Variants in AFAP1 observed in about 807,000 individuals in gnomAD.
The protein encoded by AFAP1 is actin filament associated protein 1.
AFAP1 carries 75 observed loss-of-function variants against 93.9 expected under a neutral mutation model. That is an observed-to-expected ratio of 0.80 (90% CI 0.66 to 0.97). AFAP1 has a LOEUF of 0.97. Among genes scored for constraint, AFAP1 ranks in the 50% least tolerant of loss-of-function variants. The pLI, the probability that AFAP1 is intolerant of heterozygous loss-of-function variation, is 0.00. For missense variants in AFAP1, 1,201 were observed against 1,050.8 expected, an observed-to-expected ratio of 1.14 and a Z score of -1.98; for synonymous variants, 517 against 430.7, an observed-to-expected ratio of 1.20 and a Z score of -2.48.
At chr4:7,908,173 C>T (rs530729911) in intron 1 of AFAP1, among the ~76,000 whole-genome samples, 62 of 152,104 alleles carry the variant, frequency 4.1e-4, no homozygotes, top group Non-Finnish European at 7.9e-4. Context: ...GATCACACCA[C>T]TGTACTCCAG....
rs141412948 is a variant in AFAP1, at chr4:7,831,368, CCTTTT to C, written c.726+7151_726+7155del. On this transcript the variant is annotated intron_variant, in intron 6 of 17. Transcript: ENST00000420658. Reference sequence around the variant, plus strand: ...TACTTTACCCCGTATTATTTACTTTCCTTTTAAGAAAAATCAGCAAATGCTAAAAA... The same window carrying C: ...TACTTTACCCCGTATTATTTACTTTCAAGAAAAATCAGCAAATGCTAAAAA... 2.5e-3 allele frequency among the ~76,000 whole-genome samples: 376 copies of C among 150,450 alleles called. 2 individuals carry two copies. The highest frequency in any genetic ancestry group is 8.8e-3 in the African/African-American group (358 of 40,682).
intron 1 of AFAP1, among the ~76,000 whole-genome samples, chr4:7,927,780 G>A (rs1337027292): frequency 4.6e-5 from 7 of 152,082 alleles, no homozygotes; most frequent in African/African-American, 1.7e-4. Context: ...CTAGAGAAGG[G>A]GGGATAAAAA....
chr4:7,886,713 T>G (rs1718160807), intron 1 of AFAP1, among the ~76,000 whole-genome samples: 1 of 152,230 alleles, frequency 6.6e-6, no homozygotes, highest in South Asian at 2.1e-4. Context: ...GACCTAGATC[T>G]GGGTATGTTT....
intron 14 of AFAP1, chr4:7,777,642 GCA>G (rs1716283713): frequency 1.3e-5 from 2 of 152,206 alleles, no homozygotes; most frequent in South Asian, 2.1e-4. Context: ...TCTACCAGTT[GCA>G]CAGATTCAGA....
intron 6 of AFAP1, among the ~76,000 whole-genome samples, chr4:7,832,727 A>G (rs1711779648): frequency 6.6e-6 from 1 of 152,126 alleles, no homozygotes; most frequent in African/African-American, 2.4e-5. Flanking sequence ...AGAACAAACA[A>G]AGGAAGGCAT....
intron 1 of AFAP1, among the ~76,000 whole-genome samples, chr4:7,882,464 A>C (rs2149197995): frequency 6.6e-6 from 1 of 152,274 alleles, no homozygotes; most frequent in South Asian, 2.1e-4. Flanking sequence ...AAAAAAGAAA[A>C]CCAAAGACCA....
intron 3 of AFAP1, among the ~76,000 whole-genome samples, chr4:7,867,556 T>C (rs1261325306): frequency 3.3e-5 from 5 of 152,196 alleles, no homozygotes; most frequent in Non-Finnish European, 7.3e-5. Context: ...CTAGTATTGT[T>C]GAGAAAAGTG....
chr4:7,781,280 C>A (rs1053647279), intron 13 of AFAP1, 96 bp downstream of exon 13: 10 of 1,421,038 alleles, frequency 7.0e-6, no homozygotes. Flanking sequence ...TTATGCTTTG[C>A]CTTTGATGAG....
intron 1 of AFAP1, among the ~76,000 whole-genome samples, chr4:7,926,576 C>A (rs1196945716): frequency 1.3e-5 from 2 of 152,098 alleles, no homozygotes; most frequent in Non-Finnish European, 2.9e-5. Flanking sequence ...AATGGGGAGG[C>A]CAGGTTCCAG....
intron 12 of AFAP1, among the ~76,000 whole-genome samples, chr4:7,783,536 C>G (rs542913723): frequency 1.4e-4 from 22 of 152,264 alleles, no homozygotes; most frequent in African/African-American, 5.1e-4. Context: ...TCAGGAAGGG[C>G]CTGGGCAGAG....
At chr4:7,886,290 A>G (rs1718136501) in intron 1 of AFAP1, among the ~76,000 whole-genome samples, 2 of 152,238 alleles carry the variant, frequency 1.3e-5, no homozygotes, top group Non-Finnish European at 2.9e-5. Flanking sequence ...TGCTGTAAAT[A>G]AAAACCTCTG....
chr4:7,917,390 A>G (rs1382342310), intron 1 of AFAP1, among the ~76,000 whole-genome samples: 1 of 152,188 alleles, frequency 6.6e-6, no homozygotes, highest in Non-Finnish European at 1.5e-5. Context: ...AAAGATCTGG[A>G]AGGAAATACA....
At chr4:7,794,876 T>C (rs1279662742) in intron 10 of AFAP1, among the ~76,000 whole-genome samples, 1 of 152,196 alleles carries the variant, frequency 6.6e-6, no homozygotes, top group African/African-American at 2.4e-5. Context: ...TTTTTAGTGG[T>C]ATTTGAAATC....
intron 6 of AFAP1, among the ~76,000 whole-genome samples, chr4:7,830,584 T>C (rs536406290): frequency 2.0e-5 from 3 of 150,588 alleles, no homozygotes; most frequent in Non-Finnish European, 3.0e-5. Flanking sequence ...TATATACACA[T>C]ATAAGTGAAA....
chr4:7,820,259 C>T (rs751780971), intron 6 of AFAP1, among the ~76,000 whole-genome samples: 8 of 152,142 alleles, frequency 5.3e-5, no homozygotes, highest in Non-Finnish European at 8.8e-5. Context: ...CTGGGTGGTG[C>T]TATTTACTCA....
intron 1 of AFAP1, among the ~76,000 whole-genome samples, chr4:7,927,493 G>A (rs1456469824): frequency 2.0e-5 from 3 of 152,246 alleles, no homozygotes; most frequent in South Asian, 2.1e-4. Context: ...GGAGTTCAAC[G>A]GACACGTATT....
chr4:7,919,206 C>T (rs912032079), intron 1 of AFAP1, among the ~76,000 whole-genome samples: 1 of 152,210 alleles, frequency 6.6e-6, no homozygotes, highest in African/African-American at 2.4e-5. Flanking sequence ...CACAGATTAT[C>T]CCGGCCCAAC....
At chr4:7,798,304 C>T (rs1202243305) in intron 10 of AFAP1, among the ~76,000 whole-genome samples, 130 of 79,270 alleles carry the variant, frequency 1.6e-3, no homozygotes, top group Middle Eastern at 0.01. Flanking sequence ...GCATTGCAAC[C>T]CTATTGGCTG....
chr4:7,901,723 G>T (rs1023266290), intron 1 of AFAP1, among the ~76,000 whole-genome samples: 9 of 152,232 alleles, frequency 5.9e-5, no homozygotes, highest in Middle Eastern at 3.2e-3. Flanking sequence ...TGGACAGGGG[G>T]CTGAACTGGA....
Sources: gnomAD v4.1 joint callset for allele counts (sites outside exome capture counted in the v4.1 genomes callset) on GRCh38, gnomAD v4.1.1 for gene constraint, MANE v1.5 for transcripts, NCBI Gene and HGNC (gene_info 2026-07-23, HGNC 2026-07-21) for gene names.